The following RAP1A variants were observed in gnomAD, a reference collection of about 807,000 sequenced individuals.
RAP1A encodes ras-related protein Rap-1A.
In RAP1A, 6 loss-of-function variants were observed where a neutral mutation model predicts 26.4. The ratio of observed to expected loss-of-function variants is 0.23; its 90% CI spans 0.12 to 0.45. The LOEUF (loss-of-function observed/expected upper bound fraction) is 0.45, where lower values mean the gene tolerates loss of function less well. Among genes scored for constraint, RAP1A ranks in the 20% least tolerant of loss-of-function variants. The pLI, the probability that RAP1A is intolerant of heterozygous loss-of-function variation, is 0.99. For missense variants in RAP1A, 121 were observed against 217.2 expected (o/e 0.56, Z 2.78); for synonymous variants, 73 against 79.4 (o/e 0.92, Z 0.43).
At chr1:111,638,795 A>G (rs1033406056) in intron 1 of RAP1A, among the ~76,000 whole-genome samples, 1 of 151,866 alleles carries the variant, frequency 6.6e-6, no homozygotes, top group Non-Finnish European at 1.5e-5. Context: ...CTTTTGTATC[A>G]GGAAATATAA....
chr1:111,712,185 G>GGAT (rs1158820209), intron 7 of RAP1A, among the ~76,000 whole-genome samples: 1 of 151,940 alleles, frequency 6.6e-6, no homozygotes, highest in Non-Finnish European at 1.5e-5. Context: ...GTATAACTGA[G>GGAT]GATAATTCAA....
In RAP1A at chr1:111,619,846, C is replaced by T; in HGVS notation, c.-116C>T. 1 of 388,268 alleles carries T rather than the reference C, an allele frequency of 2.6e-6. No homozygotes were observed. The allele number at this position is 388,268 out of a possible 1,614,324, so 24.1% of individuals were successfully genotyped here. On this transcript the variant is annotated 5_prime_UTR_variant, in exon 1 of 8. Transcript: ENST00000369709. ...TCCCGCTGCTGTCGCCGCGCAGAGCCGGAGCAGGAGCCACGGCCGAGAGGA... is the reference window on the plus strand; with the variant it reads ...TCCCGCTGCTGTCGCCGCGCAGAGCTGGAGCAGGAGCCACGGCCGAGAGGA...
At chr1:111,639,433 G>C (rs1042911397) in intron 1 of RAP1A, among the ~76,000 whole-genome samples, 2 of 135,066 alleles carry the variant, frequency 1.5e-5, no homozygotes, top group African/African-American at 5.6e-5. Context: ...AAGTAGAAAT[G>C]TGTTTAGTTT....
chr1:111,650,679 A>G (rs1660237524), intron 1 of RAP1A: 1 of 152,202 alleles, frequency 6.6e-6, no homozygotes, highest in Non-Finnish European at 1.5e-5. Context: ...CAGCTGATGA[A>G]TGTACATTGA....
In RAP1A at chr1:111,600,479, C is replaced by A. The variant is rs114609076; in HGVS notation, c.-28+57970C>A. Among the ~76,000 whole-genome samples, 704 of 152,328 alleles carry A rather than the reference C, an allele frequency of 4.6e-3. 4 individuals are homozygous for A. Among genetic ancestry groups the A allele is most frequent in the African/African-American group, 0.016 (674 of 41,574 alleles). ...AGTGCTACAAGAGGTAGGGAGTGGCCACACGCCAGGCAGCAAGGCTGTTTG... is the reference window on the plus strand; with the variant it reads ...AGTGCTACAAGAGGTAGGGAGTGGCAACACGCCAGGCAGCAAGGCTGTTTG... On this transcript the variant is annotated intron_variant, in intron 1 of 7. Transcript: ENST00000356415.
At chr1:111,650,991 A>G (rs192773366) in intron 1 of RAP1A, among the ~76,000 whole-genome samples, 5 of 151,992 alleles carry the variant, frequency 3.3e-5, no homozygotes, top group African/African-American at 7.3e-5. Context: ...TTTAGTACAG[A>G]TGGAGTTTCA....
intron 4 of RAP1A, among the ~76,000 whole-genome samples, chr1:111,701,623 G>A (rs1662026644): frequency 1.3e-5 from 2 of 152,254 alleles, no homozygotes; most frequent in African/African-American, 4.8e-5. Context: ...ATGTCCTTAA[G>A]AAGGAGGTTG....
At chr1:111,658,364 A>G (rs1660531280) in intron 1 of RAP1A, among the ~76,000 whole-genome samples, 1 of 152,190 alleles carries the variant, frequency 6.6e-6, no homozygotes, top group African/African-American at 2.4e-5. Context: ...AAGTAAATAA[A>G]TAAAGTAAAT....
intron 1 of RAP1A, among the ~76,000 whole-genome samples, chr1:111,556,308 A>AT (rs1320826387): frequency 1.3e-5 from 2 of 152,252 alleles, no homozygotes; most frequent in South Asian, 2.1e-4. Flanking sequence ...AATTGAAATT[A>AT]TTGTGCACTG....
rs1571548514 is a variant in RAP1A, at chr1:111,672,123, A to G, written c.-27-19211A>G. Among the ~76,000 whole-genome samples, 6 of 152,260 alleles carry G rather than the reference A, an allele frequency of 3.9e-5. No individual in the cohort carries two copies. In the South Asian group the frequency reaches 1.2e-3, roughly 32 times the overall value. ...TCTTAAGTTGATTCATTATCTGCTCAAATCTTCTATATATCCTTCCTGGTT... is the reference window on the plus strand; with the variant it reads ...TCTTAAGTTGATTCATTATCTGCTCGAATCTTCTATATATCCTTCCTGGTT... On this transcript the variant is annotated intron_variant, in intron 1 of 7. Transcript: ENST00000369709.
chr1:111,680,273 A>T (rs1006554104), intron 1 of RAP1A, among the ~76,000 whole-genome samples: 36 of 152,334 alleles, frequency 2.4e-4, no homozygotes, highest in Admixed American at 1.3e-4. Flanking sequence ...CAAAGTGTCC[A>T]CATCGTGGAA....
At chr1:111,683,956 A>T (rs1661385785) in intron 1 of RAP1A, among the ~76,000 whole-genome samples, 1 of 152,246 alleles carries the variant, frequency 6.6e-6, no homozygotes, top group Non-Finnish European at 1.5e-5. Context: ...CAAAAACCTT[A>T]TCCACTGCGA....
intron 2 of RAP1A, among the ~76,000 whole-genome samples, 154 bp from the exon 3 acceptor site, chr1:111,695,187 C>A (rs917836663): frequency 3.9e-5 from 5 of 127,518 alleles, no homozygotes; most frequent in African/African-American, 1.5e-4. Context: ...ATGGATGTAT[C>A]CTTATATTGA....
intron 2 of RAP1A, among the ~76,000 whole-genome samples, chr1:111,694,043 C>G (rs1042065841): frequency 1.3e-5 from 2 of 152,074 alleles, no homozygotes; most frequent in Non-Finnish European, 2.9e-5. Flanking sequence ...TGCATGCCAC[C>G]ACACCTGGTT....
chr1:111,544,659 G>A (rs1208837914), intron 1 of RAP1A, among the ~76,000 whole-genome samples: 1 of 152,112 alleles, frequency 6.6e-6, no homozygotes, highest in Non-Finnish European at 1.5e-5. Context: ...ACACTGCTAT[G>A]AACATTGGTG....
intron 1 of RAP1A, among the ~76,000 whole-genome samples, chr1:111,680,390 G>C (rs935848849): frequency 6.6e-6 from 1 of 152,164 alleles, no homozygotes; most frequent in Admixed American, 6.5e-5. Flanking sequence ...AATGCTGGTT[G>C]GTGCATTTAC....
At chr1:111,634,426 A>G (rs755310939) in intron 1 of RAP1A, among the ~76,000 whole-genome samples, 7 of 151,610 alleles carry the variant, frequency 4.6e-5, no homozygotes, top group Non-Finnish European at 7.4e-5. Context: ...ACTTATTTTT[A>G]AAATATATAT....
chr1:111,556,986 A>T (rs141222749), intron 1 of RAP1A, among the ~76,000 whole-genome samples: 1 of 152,312 alleles, frequency 6.6e-6, no homozygotes, highest in East Asian at 1.9e-4. Context: ...CAGAACTGAT[A>T]AAAGATGCAA....
chr1:111,606,745 G>C (rs1000620093), intron 1 of RAP1A, among the ~76,000 whole-genome samples: 8 of 152,174 alleles, frequency 5.3e-5, no homozygotes, highest in African/African-American at 1.9e-4. Context: ...TTAAGGCAAG[G>C]CTCTGTTCTC....
Sources: gnomAD v4.1 joint callset for allele counts (sites outside exome capture counted in the v4.1 genomes callset) on GRCh38, gnomAD v4.1.1 for gene constraint, MANE v1.5 for transcripts, NCBI Gene and HGNC (gene_info 2026-07-23, HGNC 2026-07-21) for gene names.